The following SEC23A variants were observed in gnomAD, a reference collection of about 807,000 sequenced individuals.
SEC23A encodes the protein SEC23 homolog A, COPII component.
A neutral mutation model predicts 103.7 loss-of-function variants in SEC23A; 56 were observed. That is an observed-to-expected ratio of 0.54 (90% confidence interval 0.44 to 0.67). The LOEUF (loss-of-function observed/expected upper bound fraction) is 0.67, where lower values mean the gene tolerates loss of function less well. Ranked by LOEUF, SEC23A falls within the 30% of genes least tolerant of loss-of-function variation. The pLI, the probability that SEC23A is intolerant of heterozygous loss-of-function variation, is 0.00. For synonymous variants in SEC23A, 281 were observed against 293.0 expected, an observed-to-expected ratio of 0.96 and a Z score of 0.42; for missense variants, 784 against 936.4, an observed-to-expected ratio of 0.84 and a Z score of 2.12.
At chr14:39,080,107 C>T (rs558298497) in intron 7 of SEC23A, among the ~76,000 whole-genome samples, 1 of 152,050 alleles carries the variant, frequency 6.6e-6, no homozygotes, top group Admixed American at 6.5e-5. Flanking sequence ...AAAGAACATC[C>T]AAACTTCAAA....
intron 11 of SEC23A, among the ~76,000 whole-genome samples, chr14:39,064,188 T>C (rs1243075954): frequency 6.6e-6 from 1 of 152,086 alleles, no homozygotes; most frequent in African/African-American, 2.4e-5. Flanking sequence ...GTCATAGATA[T>C]AGACAGACCT....
intron 1 of SEC23A, among the ~76,000 whole-genome samples, chr14:39,099,850 A>T (rs1003258202): frequency 1.3e-5 from 2 of 151,734 alleles, no homozygotes; most frequent in Admixed American, 6.6e-5. Flanking sequence ...ATGAAAACCC[A>T]CCTGTCTTCT....
Position 39,081,366 on chromosome 14 carries a change from G to A in SEC23A, c.828+4396C>T, listed in dbSNP as rs1887220070. Among the ~76,000 whole-genome samples the A allele has an allele frequency of 2.0e-5, 3 of 152,204 alleles. No individual in the cohort carries two copies. In the South Asian group the frequency reaches 6.2e-4, roughly 32 times the overall value. ...AGGAAAAAAGTTTAAACATTCAACA[G>A]CCCAAGAAATTCTGTACTCTTAAGT... On this transcript the variant is annotated intron_variant, in intron 7 of 19. Coordinates refer to ENST00000307712, the MANE Select transcript of SEC23A (RefSeq NM_006364.4).
In SEC23A at chr14:39,095,919, C is replaced by A. The variant is rs781419160; in HGVS notation, c.200G>T (p.Arg67Leu). ...TTACCATAAAGGATTCAAAACTGCA[C>A]GGCAAGTGGTCCTACTACACAGAAC... ...EPVLCSRTTC[R>L]AVLNPLCQVD... Residue 67 changes from arginine (R) to leucine (L), a missense_variant, in exon 2 of 20, where the codon CGT (arginine) becomes CTT (leucine). Coordinates refer to ENST00000307712, the MANE Select transcript of SEC23A (RefSeq NM_006364.4). 1.2e-6 allele frequency: 2 copies of A among 1,613,222 alleles called. No individual in the cohort carries two copies. Among genetic ancestry groups the A allele is most frequent in the Non-Finnish European group, 8.5e-7 (1 of 1,179,230 alleles).
At position 39,075,939 on chromosome 14, in the gene SEC23A, G is replaced by C. The variant is rs1408986091; in HGVS notation, c.983C>G (p.Thr328Ser). The C allele has an allele frequency of 3.1e-6, 5 of 1,613,478 alleles. No individual in the cohort carries two copies. The highest frequency in any genetic ancestry group is 2.5e-6 in the Non-Finnish European group (3 of 1,179,780). The change falls in exon 8 of 20, where the codon ACT becomes AGT. Residue 328 changes from threonine (T) to serine (S), a missense_variant. Physicochemically the swap from Thr to Ser is moderately conservative, Grantham distance 58. This residue lies in a region of SEC23A where 683 missense variants were observed against 774.2 expected (regional missense o/e 0.88). Coordinates refer to ENST00000307712, the MANE Select transcript of SEC23A (RefSeq NM_006364.4). ...KDNAKYVKKGTKHFEALANRA... is the reference protein window; with the variant it reads ...KDNAKYVKKGSKHFEALANRA... ...ATATTTAACAGTCAAAATTACCTTA[G>C]TTCCCTTTTTAACATATTTGGCATT...
chr14:39,049,757 G>T (rs776028743), intron 14 of SEC23A, among the ~76,000 whole-genome samples: 4 of 151,288 alleles, frequency 2.6e-5, no homozygotes, highest in Non-Finnish European at 5.9e-5. Context: ...GCCGGCCTGG[G>T]AGACAGAGCG....
chr14:39,062,967 A>G (rs1886530658), intron 12 of SEC23A, among the ~76,000 whole-genome samples: 1 of 152,212 alleles, frequency 6.6e-6, no homozygotes, highest in Admixed American at 6.5e-5. Context: ...CTTTCTGACA[A>G]CTAGGAAAAG....
At chr14:39,069,129 C>A (rs1055545514) in intron 9 of SEC23A, among the ~76,000 whole-genome samples, 8 of 152,026 alleles carry the variant, frequency 5.3e-5, no homozygotes, top group Admixed American at 3.9e-4. Flanking sequence ...TTACAGTAAA[C>A]CTCTATGAAG....
intron 7 of SEC23A, among the ~76,000 whole-genome samples, chr14:39,079,942 A>C (rs1032662954): frequency 6.6e-6 from 1 of 152,190 alleles, no homozygotes; most frequent in Non-Finnish European, 1.5e-5. Context: ...ATGTTTTCAC[A>C]AGGTATGATT....
At chr14:39,041,138 A>G (rs193172193) in intron 17 of SEC23A, 6 of 332,416 alleles carry the variant, frequency 1.8e-5, no homozygotes, top group Admixed American at 1.4e-4. Flanking sequence ...TTAAAACACT[A>G]TGCTTATCAA....
intron 7 of SEC23A, among the ~76,000 whole-genome samples, chr14:39,082,979 T>C (rs1481691714): frequency 6.6e-6 from 1 of 152,234 alleles, no homozygotes; most frequent in Non-Finnish European, 1.5e-5. Context: ...AAGGAAATTA[T>C]TGGGACAACT....
chr14:39,036,128 G>A (rs1885451431), intron 19 of SEC23A, among the ~76,000 whole-genome samples: 1 of 151,786 alleles, frequency 6.6e-6, no homozygotes, highest in East Asian at 1.9e-4. Context: ...AGACCATCCT[G>A]GCCAACATGG....
At chr14:39,048,475 A>G (rs542233114) in intron 15 of SEC23A, among the ~76,000 whole-genome samples, 177 bp downstream of exon 15, 38 of 152,114 alleles carry the variant, frequency 2.5e-4, no homozygotes, top group Middle Eastern at 3.4e-3. Context: ...TTAGCTCGGC[A>G]TGGTGGCACA....
intron 8 of SEC23A, 121 bp downstream of exon 8, chr14:39,075,814 C>A (rs985452332): frequency 8.9e-6 from 7 of 782,946 alleles, no homozygotes; most frequent in Admixed American, 8.8e-5. Flanking sequence ...ATTCTGAATA[C>A]CAGTTATAGT....
At chr14:39,046,065 G>C (rs1432475919) in intron 15 of SEC23A, among the ~76,000 whole-genome samples, 2 of 152,156 alleles carry the variant, frequency 1.3e-5, no homozygotes, top group Non-Finnish European at 2.9e-5. Flanking sequence ...ATAAATGGGA[G>C]TTCCCCTGCA....
chr14:39,089,292 C>T (rs1420399104), intron 5 of SEC23A, among the ~76,000 whole-genome samples: 2 of 151,514 alleles, frequency 1.3e-5, no homozygotes, highest in Admixed American at 6.6e-5. Flanking sequence ...TTAATAATAA[C>T]ATTAATAGTA....
intron 9 of SEC23A, among the ~76,000 whole-genome samples, chr14:39,073,603 C>CTTTTTTTTTTT (rs905464578): frequency 1.2e-5 from 1 of 83,894 alleles, no homozygotes; most frequent in African/African-American, 4.6e-5. Flanking sequence ...TCTGATTCCT[C>CTTTTTTTTTTT]TTTTTTTTTT....
intron 13 of SEC23A, among the ~76,000 whole-genome samples, 158 bp downstream of exon 13, chr14:39,061,607 T>C (rs1300148659): frequency 1.3e-5 from 2 of 152,204 alleles, no homozygotes; most frequent in Non-Finnish European, 2.9e-5. Flanking sequence ...ATGCATATTG[T>C]AGCAAATAAG....
intron 11 of SEC23A, among the ~76,000 whole-genome samples, chr14:39,063,812 C>T (rs1384704144): frequency 6.6e-6 from 1 of 151,666 alleles, no homozygotes; most frequent in African/African-American, 2.4e-5. Context: ...CTGGCTAACA[C>T]GGTGAAACCC....
Sources: gnomAD v4.1 joint callset for allele counts (sites outside exome capture counted in the v4.1 genomes callset) on GRCh38, gnomAD v4.1.1 for gene constraint, gnomAD v4.1.1 regional missense constraint, MANE v1.5 for transcripts, NCBI Gene and HGNC (gene_info 2026-07-23, HGNC 2026-07-21) for gene names.